VPS13B: variants seen among roughly 807,000 people sequenced by gnomAD.
VPS13B encodes intermembrane lipid transfer protein VPS13B.
In VPS13B, 285 loss-of-function variants were observed where a neutral mutation model predicts 426.4. The observed-to-expected ratio is 0.67, with a 90% CI of 0.61 to 0.74. The LOEUF is 0.74. Ranked by LOEUF, VPS13B falls within the 30% of genes least tolerant of loss-of-function variation. The pLI is 0.00. For missense variants in VPS13B, 4,537 were observed against 4,782.6 expected (o/e 0.95, Z 1.51); for synonymous variants, 1,676 against 1,676.4 (o/e 1.00, Z 0.01).
At chr8:99,742,949 C>T (rs1809834679) in intron 39 of VPS13B, among the ~76,000 whole-genome samples, 1 of 152,084 alleles carries the variant, frequency 6.6e-6, no homozygotes, top group South Asian at 2.1e-4. Flanking sequence ...CACTCCTATT[C>T]AACATAATGT....
chr8:99,534,237 G>A (rs1274231516), intron 30 of VPS13B, among the ~76,000 whole-genome samples: 1 of 152,078 alleles, frequency 6.6e-6, no homozygotes, highest in African/African-American at 2.4e-5. Flanking sequence ...ATCTTTTGTG[G>A]CTTCCTGTAG....
chr8:99,681,338 G>T (rs1341278935), intron 35 of VPS13B, among the ~76,000 whole-genome samples: 1 of 152,076 alleles, frequency 6.6e-6, no homozygotes, highest in African/African-American at 2.4e-5. Flanking sequence ...GCCCAACTGG[G>T]ACTGCCCTAG....
intron 39 of VPS13B, among the ~76,000 whole-genome samples, chr8:99,741,552 A>G (rs950425443): frequency 3.9e-5 from 6 of 152,204 alleles, no homozygotes; most frequent in Non-Finnish European, 8.8e-5. Context: ...CACCTATTCC[A>G]AAATTGACCA....
intron 30 of VPS13B, among the ~76,000 whole-genome samples, chr8:99,550,649 A>G (rs1207163421): frequency 6.6e-6 from 1 of 151,222 alleles, no homozygotes; most frequent in African/African-American, 2.4e-5. Context: ...TTTTATGTTC[A>G]GCTTATTGAG....
chr8:99,232,613 C>T (rs552125954), intron 17 of VPS13B, among the ~76,000 whole-genome samples: 2 of 152,336 alleles, frequency 1.3e-5, no homozygotes, highest in Admixed American at 6.5e-5. Flanking sequence ...CCCTGCGTAA[C>T]CCGCAGGCCA....
chr8:99,126,802 A>G lies in VPS13B; in HGVS notation c.1206+5357A>G, dbSNP rs184152760. 1.5e-4 allele frequency among the ~76,000 whole-genome samples: 23 copies of G among 152,300 alleles called. No individual in the cohort carries two copies. In the East Asian group the frequency reaches 4.2e-3, roughly 28 times the overall value. ...TTTGGGATATGCTTCTTTTTCTTTA[A>G]AAATGTTATCGCTGGGCACAGTGGC... is the stretch of plus-strand genomic sequence containing the variant. On this transcript the variant is annotated intron_variant, in intron 8 of 61. Coordinates refer to ENST00000357162, the MANE Select transcript of VPS13B (RefSeq NM_152564.5).
At chr8:99,713,547 A>G (rs1832791237) in intron 36 of VPS13B, among the ~76,000 whole-genome samples, 1 of 152,292 alleles carries the variant, frequency 6.6e-6, no homozygotes, top group South Asian at 2.1e-4. Flanking sequence ...AGGTATCAGT[A>G]TGCATTCATG....
At chr8:99,142,878 A>T in intron 12 of VPS13B, 96 bp from the exon 13 acceptor site, 1 of 1,319,552 alleles carries the variant, frequency 7.6e-7, no homozygotes, top group Non-Finnish European at 1.0e-6. Flanking sequence ...TTAAGGCATT[A>T]AGCTACAAGC....
intron 24 of VPS13B, among the ~76,000 whole-genome samples, chr8:99,481,008 G>T (rs1257860223): frequency 6.6e-6 from 1 of 151,954 alleles, no homozygotes; most frequent in Non-Finnish European, 1.5e-5. Context: ...CAAACAATGT[G>T]CAAATTAAAC....
chr8:99,270,150 T>TTTTTTTTTTTTTTTTTTTTTTTTTTC lies in VPS13B; in HGVS notation c.2516-4041_2516-4040insTTTTTTTTTTTTTTTTTTCTTTTTTT, dbSNP rs1818510247. 1.8e-5 allele frequency among the ~76,000 whole-genome samples: 2 copies of TTTTTTTTTTTTTTTTTTTTTTTTTTC among 111,158 alleles called. 1 individual carries two copies. The highest frequency in any genetic ancestry group is 3.7e-5 in the Non-Finnish European group (2 of 54,596). The allele number at this position is 111,158 out of a possible 152,430, so 72.9% of individuals were successfully genotyped here. On this transcript the variant is annotated intron_variant, in intron 17 of 61. Coordinates refer to ENST00000357162, the MANE Select transcript of VPS13B (RefSeq NM_152564.5). ...AAGAATCTTTTTTTTTTTTTTTTTT[T>TTTTTTTTTTTTTTTTTTTTTTTTTTC]TTTTTTTGAGACAGAGTCTTGCTCG... is the stretch of plus-strand genomic sequence containing the variant.
intron 17 of VPS13B, among the ~76,000 whole-genome samples, chr8:99,206,587 T>C (rs1178115600): frequency 1.3e-5 from 2 of 152,162 alleles, no homozygotes; most frequent in East Asian, 3.8e-4. Context: ...TAAATAGGTC[T>C]CTTGTGGAGT....
At chr8:99,748,487 A>T (rs140495239) in intron 39 of VPS13B, among the ~76,000 whole-genome samples, 1 of 152,214 alleles carries the variant, frequency 6.6e-6, no homozygotes, top group East Asian at 1.9e-4. Context: ...GTAAATAGAC[A>T]TATTTTTGAA....
chr8:99,470,137 G>C (rs1339345976), intron 24 of VPS13B, among the ~76,000 whole-genome samples: 1 of 152,166 alleles, frequency 6.6e-6, no homozygotes, highest in African/African-American at 2.4e-5. Flanking sequence ...CTGCCTGATA[G>C]AATGTAGAGG....
At chr8:99,407,832 A>T (rs1337498853) in intron 21 of VPS13B, among the ~76,000 whole-genome samples, 1 of 152,198 alleles carries the variant, frequency 6.6e-6, no homozygotes, top group Non-Finnish European at 1.5e-5. Context: ...ATGCAATGTA[A>T]TAAGATTCAG....
At chr8:99,303,818 C>T (rs887964422) in intron 19 of VPS13B, among the ~76,000 whole-genome samples, 2 of 149,592 alleles carry the variant, frequency 1.3e-5, no homozygotes, top group Non-Finnish European at 3.0e-5. Flanking sequence ...GATTGTGGCT[C>T]AGTGCCTGGC....
intron 21 of VPS13B, among the ~76,000 whole-genome samples, chr8:99,415,471 G>A (rs1815948145): frequency 6.6e-6 from 1 of 151,966 alleles, no homozygotes; most frequent in South Asian, 2.1e-4. Flanking sequence ...AAGGAGTTGT[G>A]ATCCTTTGGA....
At position 99,875,989 on chromosome 8, in the gene VPS13B, G is replaced by C; in HGVS notation, c.*323G>C. The C allele has an allele frequency of 2.7e-6, 1 of 373,934 alleles. No homozygotes were observed. The allele number at this position is 373,934 out of a possible 1,614,324, so 23.2% of individuals were successfully genotyped here. On this transcript the variant is annotated 3_prime_UTR_variant, in exon 62 of 62. Transcript: ENST00000357162. Reference sequence around the variant, plus strand: ...CAAAAACGTGTTCCTTCCCCACTTAGAGACAATGATTAACAGGGCCCTATA... The same window carrying C: ...CAAAAACGTGTTCCTTCCCCACTTACAGACAATGATTAACAGGGCCCTATA...
chr8:99,552,501 G>C (rs1192312403), intron 30 of VPS13B, among the ~76,000 whole-genome samples: 1 of 151,696 alleles, frequency 6.6e-6, no homozygotes, highest in Non-Finnish European at 1.5e-5. Flanking sequence ...AAACTTCCAA[G>C]TCCTGGCTCA....
chr8:99,287,011 C>A (rs907409018), intron 19 of VPS13B, among the ~76,000 whole-genome samples: 1 of 152,064 alleles, frequency 6.6e-6, no homozygotes, highest in Non-Finnish European at 1.5e-5. Context: ...GCTGCTTTGC[C>A]AATACCTGGA....
Sources: gnomAD v4.1 joint callset for allele counts (sites outside exome capture counted in the v4.1 genomes callset) on GRCh38, gnomAD v4.1.1 for gene constraint, MANE v1.5 for transcripts, NCBI Gene and HGNC (gene_info 2026-07-23, HGNC 2026-07-21) for gene names.